OSBPL5: variants seen among roughly 807,000 people sequenced by gnomAD.
The protein encoded by OSBPL5 is oxysterol-binding protein-related protein 5.
A neutral mutation model predicts 111.2 loss-of-function variants in OSBPL5; 71 were observed. The ratio of observed to expected loss-of-function variants is 0.64; its 90% CI spans 0.53 to 0.78. The LOEUF (loss-of-function observed/expected upper bound fraction) is 0.78, where lower values mean the gene tolerates loss of function less well. Ranked by LOEUF, OSBPL5 falls within the 30% of genes least tolerant of loss-of-function variation. The pLI is 0.00. For synonymous variants in OSBPL5, 549 were observed against 513.9 expected, an observed-to-expected ratio of 1.07 and a Z score of -0.93; for missense variants, 1,210 against 1,189.3, an observed-to-expected ratio of 1.02 and a Z score of -0.26.
intron 21 of OSBPL5, 136 bp downstream of exon 21, chr11:3,089,710 G>A: frequency 5.3e-6 from 4 of 751,948 alleles, no homozygotes; most frequent in Non-Finnish European, 9.1e-6. Flanking sequence ...TCATCACCCT[G>A]CAGGTCTTGT....
chr11:3,104,210 G>T lies in OSBPL5; in HGVS notation c.1227C>A (p.His409Gln). Residue 409 changes from histidine (H) to glutamine (Q), a missense_variant, in exon 10 of 22, where the codon CAC becomes CAA. Physicochemically the swap from His to Gln is conservative, Grantham distance 24. Transcript: ENST00000263650. The surrounding 1 kb of genome is among the most constrained non-coding windows in gnomAD (Gnocchi z 5.0). ...FLNKLSDYYY[H>Q]ADLLSRAAVE... Reference sequence around the variant, plus strand: ...GCGCGCACCTGGAGAGCAGGTCTGCGTGGTAGTAGTAGTCGGAGAGCTTGT... The same window carrying T: ...GCGCGCACCTGGAGAGCAGGTCTGCTTGGTAGTAGTAGTCGGAGAGCTTGT... The T allele has an allele frequency of 6.2e-7, 1 of 1,610,462 alleles. No individual in the cohort carries two copies. Among genetic ancestry groups the T allele is most frequent in the Non-Finnish European group, 8.5e-7 (1 of 1,177,326 alleles).
At chr11:3,115,822 C>T (rs1858188356) in intron 7 of OSBPL5, among the ~76,000 whole-genome samples, 1 of 149,836 alleles carries the variant, frequency 6.7e-6, no homozygotes, top group South Asian at 2.1e-4. Context: ...GTTATTAGGG[C>T]TTATTGTTTG....
Position 3,142,659 on chromosome 11 carries a change from GTC to G in OSBPL5, c.-21-13492_-21-13491del, listed in dbSNP as rs1286074456. 6.6e-6 allele frequency among the ~76,000 whole-genome samples: 1 copy of G among 152,180 alleles called. No individual in the cohort carries two copies. The highest frequency in any genetic ancestry group is 6.5e-5 in the Admixed American group (1 of 15,290). ...TTATCAACAGGACCGCTGGTTTCATGTCTCTGTCTCTCCTCATAGACCCACTC... is the reference window on the plus strand; with the variant it reads ...TTATCAACAGGACCGCTGGTTTCATGTCTGTCTCTCCTCATAGACCCACTC... On this transcript the variant is annotated intron_variant, in intron 1 of 21. Transcript: ENST00000263650. This position sits in a 1 kb window ranked among gnomAD's most constrained non-coding sequence, Gnocchi z 7.1.
Position 3,159,899 on chromosome 11 carries a change from T to A in OSBPL5, c.-22+5317A>T, listed in dbSNP as rs764044639. Among the ~76,000 whole-genome samples the A allele has an allele frequency of 2.4e-4, 37 of 152,190 alleles. 1 individual carries two copies. Among genetic ancestry groups the A allele is most frequent in the Non-Finnish European group, 4.4e-4 (30 of 67,982 alleles). On this transcript the variant is annotated intron_variant, in intron 1 of 21. Coordinates refer to ENST00000263650, the MANE Select transcript of OSBPL5 (RefSeq NM_020896.4). ...ACTTTACAGACGGGGTAACCAAGGT[T>A]TAGGAGGCAAATAAACTCTGCTGAC...
At chr11:3,157,526 G>A (rs1431610976) in intron 1 of OSBPL5, among the ~76,000 whole-genome samples, 1 of 152,252 alleles carries the variant, frequency 6.6e-6, no homozygotes. Context: ...CCAAGACAGA[G>A]AGGGGCAGGA....
chr11:3,116,707 T>G (rs1858218121), intron 7 of OSBPL5, among the ~76,000 whole-genome samples: 1 of 152,044 alleles, frequency 6.6e-6, no homozygotes, highest in Admixed American at 6.6e-5. Flanking sequence ...GTACAAAAAT[T>G]AGCTGGGTGT....
intron 1 of OSBPL5, among the ~76,000 whole-genome samples, chr11:3,156,102 G>C (rs1846750685): frequency 6.6e-6 from 1 of 152,206 alleles, no homozygotes; most frequent in Non-Finnish European, 1.5e-5. Context: ...CTGGGACAAG[G>C]GGGAAGGGAA....
intron 1 of OSBPL5, among the ~76,000 whole-genome samples, chr11:3,132,482 C>T (rs1171570136): frequency 6.6e-6 from 1 of 152,118 alleles, no homozygotes; most frequent in Non-Finnish European, 1.5e-5. Flanking sequence ...TTAAAGGCCA[C>T]ATCTCCCCAG....
intron 1 of OSBPL5, among the ~76,000 whole-genome samples, chr11:3,159,090 C>T (rs779773712): frequency 6.6e-6 from 1 of 152,158 alleles, no homozygotes; most frequent in Non-Finnish European, 1.5e-5. Context: ...TGTGAGCCCT[C>T]GGGCCAGCCA....
chr11:3,139,580 G>A (rs1846046392), intron 1 of OSBPL5, among the ~76,000 whole-genome samples: 1 of 152,206 alleles, frequency 6.6e-6, no homozygotes, highest in Non-Finnish European at 1.5e-5. Flanking sequence ...GCCCGCAGGA[G>A]TTTGGGGGCA....
intron 2 of OSBPL5, among the ~76,000 whole-genome samples, chr11:3,128,024 G>A (rs1267191996): frequency 6.6e-6 from 1 of 152,234 alleles, no homozygotes; most frequent in African/African-American, 2.4e-5. Context: ...CCTCCGGCCA[G>A]GGTGAACGTG....
chr11:3,105,232 A>G lies in OSBPL5; in HGVS notation c.1060-855T>C, dbSNP rs1590654681. Among the ~76,000 whole-genome samples, 1 of 152,202 alleles carries G rather than the reference A, an allele frequency of 6.6e-6. No individual in the cohort carries two copies. Among genetic ancestry groups the G allele is most frequent in the Non-Finnish European group, 1.5e-5 (1 of 68,008 alleles). ...CAGGGCTCTCTGCATTTTTAGCCCA[A>G]CGGCAGCTGCCCCAGGGAGCGGGCA... On this transcript the variant is annotated intron_variant, in intron 9 of 21. Transcript: ENST00000263650. This position sits in a 1 kb window ranked among gnomAD's most constrained non-coding sequence, Gnocchi z 5.2.
rs369008507 is a variant in OSBPL5 at position 3,126,933 on chromosome 11, G to A, written c.137-378C>T. Among the ~76,000 whole-genome samples the A allele has an allele frequency of 6.6e-6, 1 of 152,176 alleles. No homozygotes were observed. The highest frequency in any genetic ancestry group is 2.4e-5 in the African/African-American group (1 of 41,432). On this transcript the variant is annotated intron_variant, in intron 2 of 21. Coordinates refer to ENST00000263650, the MANE Select transcript of OSBPL5 (RefSeq NM_020896.4). This position sits in a 1 kb window ranked among gnomAD's most constrained non-coding sequence, Gnocchi z 6.5. ...TCTCAAAGACACATGGCAGGTTTGG[G>A]GCCCCTGGACTGTGCATCCCCCTGG...
At chr11:3,119,661 G>T in intron 6 of OSBPL5, 30 bp from the exon 7 acceptor site, 1 of 1,567,226 alleles carries the variant, frequency 6.4e-7, no homozygotes, top group Non-Finnish European at 8.6e-7. Flanking sequence ...GGTGTCACCC[G>T]AGGCAACACC....
At position 3,099,544 on chromosome 11, in the gene OSBPL5, C is replaced by A. The variant is rs958732436; in HGVS notation, c.1621+614G>T. 1.3e-5 allele frequency among the ~76,000 whole-genome samples: 2 copies of A among 152,142 alleles called. 1 individual carries two copies. The highest frequency in any genetic ancestry group is 2.9e-5 in the Non-Finnish European group (2 of 68,034). ...ACAACACTACTGTAAAAAAGAAAGT[C>A]TGTTAATGAAAAAATAAAAAAGAAA... On this transcript the variant is annotated intron_variant, in intron 14 of 21. Transcript: ENST00000263650.
chr11:3,096,177 C>T (rs1273642336), intron 14 of OSBPL5, among the ~76,000 whole-genome samples: 1 of 152,212 alleles, frequency 6.6e-6, no homozygotes, highest in Non-Finnish European at 1.5e-5. Context: ...TGCAGAGACC[C>T]AGCCAAACGG....
At chr11:3,116,854 CAA>C (rs371907970) in intron 7 of OSBPL5, among the ~76,000 whole-genome samples, 37 of 75,486 alleles carry the variant, frequency 4.9e-4, no homozygotes, top group African/African-American at 8.2e-4. Context: ...GACTCCATCA[CAA>C]AAAAAAAAAA....
At position 3,089,909 on chromosome 11, in the gene OSBPL5, C is replaced by G. The variant is rs549339222; in HGVS notation, c.2438G>C (p.Arg813Pro). The G allele has an allele frequency of 6.4e-7, 1 of 1,566,506 alleles. No homozygotes were observed. The highest frequency in any genetic ancestry group is 2.4e-5 in the East Asian group (1 of 42,140). The change falls in exon 21 of 22, where the codon CGG (arginine) becomes CCG (proline). Residue 813 changes from arginine to proline, a missense_variant. Arg to Pro is a moderately radical substitution (Grantham distance 103, BLOSUM62 -2). Coordinates refer to ENST00000263650, the MANE Select transcript of OSBPL5 (RefSeq NM_020896.4). ...GGCCTCGTGCAGGGCCTGCAGCCGC[C>G]GCGCCTCCTTCCTGCACCGAGGGCA... Reference protein sequence around the residue: ...SPCPRCRKEARRLQALHEAIL... With the variant: ...SPCPRCRKEAPRLQALHEAIL...
intron 19 of OSBPL5, among the ~76,000 whole-genome samples, chr11:3,091,145 T>C (rs532534527): frequency 6.6e-6 from 1 of 152,178 alleles, no homozygotes; most frequent in Non-Finnish European, 1.5e-5. Context: ...AAGGGGCATC[T>C]CCAGGGGGGA....
Sources: gnomAD v4.1 joint callset for allele counts (sites outside exome capture counted in the v4.1 genomes callset) on GRCh38, gnomAD v4.1.1 for gene constraint, Gnocchi (gnomAD v3.1) non-coding constraint, MANE v1.5 for transcripts, NCBI Gene and HGNC (gene_info 2026-07-23, HGNC 2026-07-21) for gene names.